SLIT2: variants seen among roughly 807,000 people sequenced by gnomAD.
SLIT2 encodes the protein slit guidance ligand 2, also known as slit homolog 2 protein.
SLIT2 carries 41 observed loss-of-function variants against 185.7 expected under a neutral mutation model. That is an observed-to-expected ratio of 0.22 (90% CI 0.17 to 0.29). The LOEUF (loss-of-function observed/expected upper bound fraction) is 0.29, where lower values mean the gene tolerates loss of function less well. Ranked by LOEUF, SLIT2 falls within the 10% of genes least tolerant of loss-of-function variation. The pLI is 1.00. For synonymous variants in SLIT2, 693 were observed against 680.2 expected (o/e 1.02, Z -0.29); for missense variants, 1,571 against 1,909.0 (o/e 0.82, Z 3.30).
intron 9 of SLIT2, among the ~76,000 whole-genome samples, chr4:20,495,261 G>A (rs1177788263): frequency 6.6e-6 from 1 of 152,158 alleles, no homozygotes; most frequent in East Asian, 1.9e-4. Flanking sequence ...GGACAAATTT[G>A]GGTTAATTCT....
intron 4 of SLIT2, among the ~76,000 whole-genome samples, chr4:20,330,832 C>T (rs368531863): frequency 2.1e-4 from 32 of 152,096 alleles, no homozygotes; most frequent in African/African-American, 7.7e-4. Flanking sequence ...AAAAATCTTG[C>T]AGATCATATA....
At chr4:20,480,256 C>G (rs549582741) in intron 5 of SLIT2, among the ~76,000 whole-genome samples, 12 of 152,270 alleles carry the variant, frequency 7.9e-5, no homozygotes, top group African/African-American at 2.9e-4. Flanking sequence ...TAAAAGTAGT[C>G]TTGCTCTCTC....
chr4:20,425,776 GA>G (rs1231349076), intron 4 of SLIT2, among the ~76,000 whole-genome samples: 1 of 152,154 alleles, frequency 6.6e-6, no homozygotes, highest in African/African-American at 2.4e-5. Flanking sequence ...CACTTTACAT[GA>G]GAAAGTGGTA....
chr4:20,524,173 T>C lies in SLIT2; in HGVS notation c.1434T>C (p.Cys478=), dbSNP rs751338882. 7 of 1,613,852 alleles carry C rather than the reference T, an allele frequency of 4.3e-6. No individual in the cohort carries two copies. In the South Asian group the frequency reaches 7.7e-5, roughly 18 times the overall value. Residue 478 remains cysteine (C), a synonymous_variant, in exon 14 of 37, where the codon TGT becomes TGC. Transcript: ENST00000504154. Reference sequence around the variant, plus strand: ...AGATCAAAAGCAAGAAATTCCGTTGTTCAGGTAATTTCTTCACGTGTTATT... The same window carrying C: ...AGATCAAAAGCAAGAAATTCCGTTGCTCAGGTAATTTCTTCACGTGTTATT... The part of the protein sequence containing the change: ...IGQIKSKKFR[C]SAKEQYFIPG...
chr4:20,364,203 T>C, intron 4 of SLIT2: 1 of 872,572 alleles, frequency 1.1e-6, no homozygotes, highest in Non-Finnish European at 1.4e-6. Flanking sequence ...GGAGCATTTG[T>C]GCCCTGTGGA....
In SLIT2 at chr4:20,602,560, A is replaced by G. The variant is rs530330661; in HGVS notation, c.3692+4165A>G. Among the ~76,000 whole-genome samples, 18 of 152,270 alleles carry G rather than the reference A, an allele frequency of 1.2e-4. No individual in the cohort carries two copies. In the South Asian group the frequency reaches 3.5e-3, roughly 30 times the overall value. On this transcript the variant is annotated intron_variant, in intron 33 of 36. Coordinates refer to ENST00000504154, the MANE Select transcript of SLIT2 (RefSeq NM_004787.4). Reference sequence around the variant, plus strand: ...AGTCTGCATTGGAATCACCTGAAAAACATGTTAAAATACAGGCGTTGGGCA... The same window carrying G: ...AGTCTGCATTGGAATCACCTGAAAAGCATGTTAAAATACAGGCGTTGGGCA...
At chr4:20,290,590 G>A (rs984211024) in intron 4 of SLIT2, among the ~76,000 whole-genome samples, 17 of 152,122 alleles carry the variant, frequency 1.1e-4, no homozygotes, top group Non-Finnish European at 2.4e-4. Context: ...CTATATGTGT[G>A]TATTTGTGTG....
chr4:20,603,184 CA>C (rs1728536507), intron 33 of SLIT2, among the ~76,000 whole-genome samples: 1 of 152,086 alleles, frequency 6.6e-6, no homozygotes, highest in South Asian at 2.1e-4. Flanking sequence ...TGGTGGCAGA[CA>C]AGAGAGAATT....
intron 4 of SLIT2, among the ~76,000 whole-genome samples, chr4:20,287,889 T>TA (rs199693804): frequency 0.017 from 2,561 of 151,382 alleles, 39 homozygotes; most frequent in Middle Eastern, 0.048. Flanking sequence ...CAATTTTCTT[T>TA]AAAAAAAAAG....
intron 11 of SLIT2, among the ~76,000 whole-genome samples, chr4:20,518,716 T>G (rs1218774537): frequency 5.4e-5 from 7 of 129,548 alleles, no homozygotes; most frequent in Non-Finnish European, 3.2e-5. Flanking sequence ...GCCATTCTCC[T>G]GCCTCAGCCT....
chr4:20,469,513 A>G (rs1226396457), intron 5 of SLIT2, among the ~76,000 whole-genome samples: 1 of 152,146 alleles, frequency 6.6e-6, no homozygotes, highest in Non-Finnish European at 1.5e-5. Flanking sequence ...GAAGCTAGTC[A>G]GTGTTCTATC....
chr4:20,498,930 A>G (rs1718463966), intron 9 of SLIT2, among the ~76,000 whole-genome samples: 1 of 152,244 alleles, frequency 6.6e-6, no homozygotes. Context: ...GTAGATACCC[A>G]GTAGTAGGAT....
intron 4 of SLIT2, among the ~76,000 whole-genome samples, chr4:20,278,099 A>C (rs1437436272): frequency 6.6e-6 from 1 of 152,116 alleles, no homozygotes; most frequent in Admixed American, 6.5e-5. Context: ...CTTAAAAAAA[A>C]TTTACCAGTT....
intron 11 of SLIT2, among the ~76,000 whole-genome samples, chr4:20,515,324 A>G (rs1577831557): frequency 1.3e-5 from 2 of 152,192 alleles, no homozygotes; most frequent in Non-Finnish European, 2.9e-5. Context: ...CTGGATCTCA[A>G]TTATCCCAGA....
rs189277179 is a variant in SLIT2 at position 20,300,476 on chromosome 4, A to G, written c.395+31595A>G. ...CATAGTTTAGAATATATAAAATTTT[A>G]TAATTTCTGTGCATTTATCACTTTG... On this transcript the variant is annotated intron_variant, in intron 4 of 36. Coordinates refer to ENST00000504154, the MANE Select transcript of SLIT2 (RefSeq NM_004787.4). Among the ~76,000 whole-genome samples, 7 of 152,284 alleles carry G rather than the reference A, an allele frequency of 4.6e-5. No individual in the cohort carries two copies. In the East Asian group the frequency reaches 1.3e-3, roughly 29 times the overall value.
At chr4:20,530,274 CT>C (rs879748943) in intron 16 of SLIT2, among the ~76,000 whole-genome samples, 320 of 145,008 alleles carry the variant, frequency 2.2e-3, no homozygotes, top group Middle Eastern at 7.2e-3. Context: ...CACAATAGTA[CT>C]TTTTTTTTTT....
rs921533358 is a variant in SLIT2, at chr4:20,619,756, C to T, written c.*747C>T. 1.3e-5 allele frequency: 2 copies of T among 151,942 alleles called. No homozygotes were observed. The highest frequency in any genetic ancestry group is 1.9e-4 in the East Asian group (1 of 5,194). 9.4% of individuals were successfully genotyped at this position (151,942 alleles called of 1,614,324 possible). A position where few individuals can be genotyped will look rare whatever the true frequency, so the allele number is the denominator to read the frequency against. ...TCTATGAGTTCTAAACAGCCCTATA[C>T]AGTATTCAGTTTCCATGAGAAATAT... On this transcript the variant is annotated 3_prime_UTR_variant, in exon 37 of 37. Coordinates refer to ENST00000504154, the MANE Select transcript of SLIT2 (RefSeq NM_004787.4).
chr4:20,419,007 C>T (rs979112737), intron 4 of SLIT2, among the ~76,000 whole-genome samples: 1 of 152,118 alleles, frequency 6.6e-6, no homozygotes, highest in Non-Finnish European at 1.5e-5. Flanking sequence ...CCCTTAAATG[C>T]ATACCATTTT....
chr4:20,587,143 C>T (rs1238130565), intron 29 of SLIT2, among the ~76,000 whole-genome samples: 4 of 151,986 alleles, frequency 2.6e-5, no homozygotes, highest in Middle Eastern at 3.4e-3. Flanking sequence ...CTCAGCCTCC[C>T]GAGTAGCTGG....
Sources: gnomAD v4.1 joint callset for allele counts (sites outside exome capture counted in the v4.1 genomes callset) on GRCh38, gnomAD v4.1.1 for gene constraint, MANE v1.5 for transcripts, NCBI Gene and HGNC (gene_info 2026-07-23, HGNC 2026-07-21) for gene names.